Variants in FBH1 observed in about 807,000 individuals in gnomAD.
The protein encoded by FBH1 is DNA 3'-5' helicase 1.
In FBH1, 43 loss-of-function variants were observed where a neutral mutation model predicts 115.5. The ratio of observed to expected loss-of-function variants is 0.37; its 90% CI spans 0.29 to 0.48. FBH1 has a LOEUF of 0.48. Ranked by LOEUF, FBH1 falls within the 20% of genes least tolerant of loss-of-function variation. The probability of loss-of-function intolerance (pLI) is 0.99; values close to 1 mark genes in which losing one functional copy is unlikely to be tolerated. For synonymous variants in FBH1, 524 were observed against 507.8 expected, an observed-to-expected ratio of 1.03 and a Z score of -0.43; for missense variants, 1,001 against 1,337.3, an observed-to-expected ratio of 0.75 and a Z score of 3.92.
In FBH1 at chr10:5,906,049, A is replaced by C. The variant is rs1174118362; in HGVS notation, c.170A>C (p.Gln57Pro). The C allele has an allele frequency of 6.2e-7, 1 of 1,607,682 alleles. No homozygotes were observed. Among genetic ancestry groups the C allele is most frequent in the African/African-American group, 1.3e-5 (1 of 74,802 alleles). ...GTTCTCTCTACAGGTCAGGGAAGTCAAAGATGCATCCCTGAGTTCTTCCTA... is the reference window on the plus strand; with the variant it reads ...GTTCTCTCTACAGGTCAGGGAAGTCCAAGATGCATCCCTGAGTTCTTCCTA... ...TKRGSRGQGS[Q>P]RCIPEFFLAG... Residue 57 changes from glutamine to proline, a missense_variant, in exon 3 of 21, where the codon CAA (glutamine) becomes CCA (proline). By Grantham distance (76) the Gln-to-Pro change is moderately conservative. This residue lies in a region of FBH1 where 420 missense variants were observed against 430.4 expected (regional missense o/e 0.98). Coordinates refer to ENST00000362091, the MANE Select transcript of FBH1 (RefSeq NM_178150.3). The surrounding 1 kb of genome is among the most constrained non-coding windows in gnomAD (Gnocchi z 7.3).
rs1831892897 is a variant in FBH1, at chr10:5,915,828, G to GACTTGCTTA, written c.1565+259_1565+267dup. ...GAAGTGAGGCACAGAAAGTCAAAAT[G>GACTTGCTTA]ACTTGCTTAAAGTTCAGAGTCTCAC... On this transcript the variant is annotated intron_variant, in intron 9 of 20. Transcript: ENST00000362091. The surrounding 1 kb of genome is among the most constrained non-coding windows in gnomAD (Gnocchi z 5.2). The GACTTGCTTA allele has an allele frequency of 5.8e-6, 3 of 517,294 alleles. No individual in the cohort carries two copies. 32.0% of individuals were successfully genotyped at this position (517,294 alleles called of 1,614,324 possible). A position where few individuals can be genotyped will look rare whatever the true frequency, so the allele number is the denominator to read the frequency against.
chr10:5,926,873 G>C (rs1589110895), intron 18 of FBH1, among the ~76,000 whole-genome samples: 1 of 152,344 alleles, frequency 6.6e-6, no homozygotes, highest in East Asian at 1.9e-4. Flanking sequence ...AATCGAGATG[G>C]GAGATGAGAG....
Position 5,924,319 on chromosome 10 carries a change from G to A in FBH1, c.2407G>A (p.Val803Ile), listed in dbSNP as rs774547721. 11 of 1,614,020 alleles carry A rather than the reference G, an allele frequency of 6.8e-6. No homozygotes were observed. Among genetic ancestry groups the A allele is most frequent in the South Asian group, 5.5e-5 (5 of 91,086 alleles). ...PEEERRKQNL[V>I]IKDKFIRRWV... ...GTGTATATTCTTCTTAGAAAACCTC[G>A]TCATTAAAGACAAATTTATCAGAAG... The change falls in exon 17 of 21, where the codon GTC (valine) becomes ATC (isoleucine). Residue 803 changes from valine to isoleucine, a missense_variant. Val to Ile is a conservative substitution (Grantham distance 29, BLOSUM62 3). Coordinates refer to ENST00000362091, the MANE Select transcript of FBH1 (RefSeq NM_178150.3). This position sits in a 1 kb window ranked among gnomAD's most constrained non-coding sequence, Gnocchi z 6.2.
At position 5,906,521 on chromosome 10, in the gene FBH1, C is replaced by T; in HGVS notation, c.642C>T (p.Ser214=). The T allele has an allele frequency of 6.2e-7, 1 of 1,614,096 alleles. No homozygotes were observed. The part of the protein sequence containing the change: ...PCQEALSHIC[S]LPSEVLRHVF... ...AGGAAGCACTGAGCCACATTTGCAG[C>T]CTGCCTAGTGAGGTCCTGAGGCACG... is the stretch of plus-strand genomic sequence containing the variant. The change falls in exon 3 of 21, where the codon AGC becomes AGT. Residue 214 remains serine (S), a synonymous_variant. Coordinates refer to ENST00000362091, the MANE Select transcript of FBH1 (RefSeq NM_178150.3). This position sits in a 1 kb window ranked among gnomAD's most constrained non-coding sequence, Gnocchi z 7.3.
chr10:5,891,070 G>A, intron 1 of FBH1: 2 of 788,358 alleles, frequency 2.5e-6, no homozygotes, highest in South Asian at 1.2e-4. Flanking sequence ...TTACAGGTGG[G>A]GAAGTGGAGG....
At position 5,909,047 on chromosome 10, in the gene FBH1, C is replaced by T. The variant is rs756595891; in HGVS notation, c.876C>T (p.Asn292=). ...AGGAGTCAGACCTGTGTGTGCTGAA[C>T]CTCATACGGTGAGCTTTGCCTGTGC... The part of the protein sequence containing the change: ...IEKESDLCVL[N]LIRYTATTKC... Residue 292 remains asparagine, a synonymous_variant, in exon 4 of 21, where the codon AAC becomes AAT. Transcript: ENST00000362091. The surrounding 1 kb of genome is among the most constrained non-coding windows in gnomAD (Gnocchi z 4.4). The T allele has an allele frequency of 6.2e-7, 1 of 1,614,166 alleles. No homozygotes were observed. Among genetic ancestry groups the T allele is most frequent in the Non-Finnish European group, 8.5e-7 (1 of 1,180,046 alleles).
chr10:5,905,550 TA>T (rs904958228), intron 2 of FBH1, among the ~76,000 whole-genome samples: 1 of 152,098 alleles, frequency 6.6e-6, no homozygotes, highest in African/African-American at 2.4e-5. Flanking sequence ...AAAAAAGAAA[TA>T]AAAATAAAAG....
In FBH1 at chr10:5,910,959, G is replaced by T. The variant is rs1831550060; in HGVS notation, c.1042G>T (p.Val348Leu). 6.2e-7 allele frequency: 1 copy of T among 1,610,872 alleles called. No individual in the cohort carries two copies. Among genetic ancestry groups the T allele is most frequent in the South Asian group, 1.1e-5 (1 of 91,038 alleles). The change falls in exon 6 of 21, where the codon GTG becomes TTG. Residue 348 changes from valine to leucine, a missense_variant. Transcript: ENST00000362091. The surrounding 1 kb of genome is among the most constrained non-coding windows in gnomAD (Gnocchi z 4.8). ...AAGGVNIWAL[V>L]AAVVLLSSSV... is the part of the protein sequence containing the mutation. ...GCAGGGTGTCAACATCTGGGCCCTG[G>T]TGGCGGCTGTGGTGCTCCTCTCCAG...
intron 19 of FBH1, chr10:5,929,292 C>G (rs778836311): frequency 1.3e-5 from 2 of 152,178 alleles, no homozygotes; most frequent in Non-Finnish European, 2.9e-5. Flanking sequence ...TGACACATCA[C>G]AGGGCAAAGG....
chr10:5,890,680 T>C (rs1319346868), intron 1 of FBH1, among the ~76,000 whole-genome samples: 2 of 152,158 alleles, frequency 1.3e-5, no homozygotes, highest in Non-Finnish European at 2.9e-5. Flanking sequence ...CCTCGGCTGC[T>C]AGGAGGCCAG....
At chr10:5,903,220 TG>T (rs1843468951) in intron 2 of FBH1, 45 bp downstream of exon 2, 1 of 1,476,496 alleles carries the variant, frequency 6.8e-7, no homozygotes, top group Non-Finnish European at 9.1e-7. Flanking sequence ...CTGTAGTGTG[TG>T]GGTCCTTTGA....
chr10:5,925,627 A>C lies in FBH1; in HGVS notation c.2722+135A>C, dbSNP rs756393609. The C allele has an allele frequency of 1.6e-6, 2 of 1,275,874 alleles. No individual in the cohort carries two copies. Among genetic ancestry groups the C allele is most frequent in the Non-Finnish European group, 2.2e-6 (2 of 924,854 alleles). 79.0% of individuals were successfully genotyped at this position (1,275,874 alleles called of 1,614,324 possible). On this transcript the variant is annotated intron_variant, in intron 18 of 20. Transcript: ENST00000362091. The surrounding 1 kb of genome is among the most constrained non-coding windows in gnomAD (Gnocchi z 4.6). ...GGCACTTCTGGAAAAACTAAACCAC[A>C]AAACACCTCCTAGTCCTAAACTTTT...
Position 5,906,259 on chromosome 10 carries a change from C to T in FBH1, c.380C>T (p.Ser127Phe), listed in dbSNP as rs796644562. ...CCCTCCAGGAAGCGGTCTTGGTCCT[C>T]TGAGGAAGAGAGTAACCAGGCTACC... is the stretch of plus-strand genomic sequence containing the variant. ...APPSRKRSWSSEEESNQATGT... is the reference protein window; with the variant it reads ...APPSRKRSWSFEEESNQATGT... Residue 127 changes from serine (S) to phenylalanine (F), a missense_variant, in exon 3 of 21, where the codon TCT becomes TTT. Ser to Phe is a radical substitution (Grantham distance 155). This residue lies in a region of FBH1 where 420 missense variants were observed against 430.4 expected (regional missense o/e 0.98). Coordinates refer to ENST00000362091, the MANE Select transcript of FBH1 (RefSeq NM_178150.3). This position sits in a 1 kb window ranked among gnomAD's most constrained non-coding sequence, Gnocchi z 7.3. 6.2e-7 allele frequency: 1 copy of T among 1,614,058 alleles called. No individual in the cohort carries two copies. Among genetic ancestry groups the T allele is most frequent in the Admixed American group, 1.7e-5 (1 of 60,008 alleles).
At chr10:5,919,152 G>A (rs765248513) in intron 13 of FBH1, among the ~76,000 whole-genome samples, 1 of 151,990 alleles carries the variant, frequency 6.6e-6, no homozygotes, top group East Asian at 1.9e-4. Context: ...TTTTGTTCTC[G>A]GAAATATGTT....
chr10:5,890,720 T>C (rs1842660986), intron 1 of FBH1, among the ~76,000 whole-genome samples: 1 of 152,156 alleles, frequency 6.6e-6, no homozygotes, highest in Non-Finnish European at 1.5e-5. Flanking sequence ...CGTTTTGACC[T>C]TGGGCAAGTC....
In FBH1 at chr10:5,895,328, C is replaced by T. The variant is rs1191285604; in HGVS notation, c.1+4982C>T. ...TCTCCAGTCAGGTACCTTGTACTAG[C>T]GAGTCAACTTGATTTTTTTTTGAAA... On this transcript the variant is annotated intron_variant, in intron 1 of 20. Transcript: ENST00000362091. This position sits in a 1 kb window ranked among gnomAD's most constrained non-coding sequence, Gnocchi z 5.0. 8 of 735,956 alleles carry T rather than the reference C, an allele frequency of 1.1e-5. No individual in the cohort carries two copies. The highest frequency in any genetic ancestry group is 3.8e-5 in the South Asian group (1 of 26,600). The allele number at this position is 735,956 out of a possible 1,614,324, so 45.6% of individuals were successfully genotyped here.
rs776279036 is a variant in FBH1, at chr10:5,921,376, C to T, written c.2200+19C>T. ...CATCAGAGTAAGGCTTTTAGTTACT[C>T]TTCTCTTTTGTGTTACAAAAGTTTT... On this transcript the variant is annotated intron_variant, in intron 14 of 20. Transcript: ENST00000362091. The surrounding 1 kb of genome is among the most constrained non-coding windows in gnomAD (Gnocchi z 6.4). The T allele has an allele frequency of 1.2e-6, 2 of 1,612,650 alleles. No homozygotes were observed. Among genetic ancestry groups the T allele is most frequent in the East Asian group, 2.2e-5 (1 of 44,874 alleles).
Position 5,925,231 on chromosome 10 carries a change from T to TC in FBH1, c.2597-131dup. On this transcript the variant is annotated intron_variant, in intron 17 of 20. Coordinates refer to ENST00000362091, the MANE Select transcript of FBH1 (RefSeq NM_178150.3). The surrounding 1 kb of genome is among the most constrained non-coding windows in gnomAD (Gnocchi z 4.6). ...CTGTTCCCGACAGTTGTTTCCTCTT[T>TC]CCCCCTTTTCCTACAAAACTGCACT... is the stretch of plus-strand genomic sequence containing the variant. 1 of 1,023,276 alleles carries TC rather than the reference T, an allele frequency of 9.8e-7. No homozygotes were observed. The highest frequency in any genetic ancestry group is 1.4e-6 in the Non-Finnish European group (1 of 704,530). The allele number at this position is 1,023,276 out of a possible 1,614,324, so 63.4% of individuals were successfully genotyped here.
Position 5,895,484 on chromosome 10 carries a change from G to A in FBH1, c.1+5138G>A, listed in dbSNP as rs1309731800. On this transcript the variant is annotated intron_variant, in intron 1 of 20. Coordinates refer to ENST00000362091, the MANE Select transcript of FBH1 (RefSeq NM_178150.3). This position sits in a 1 kb window ranked among gnomAD's most constrained non-coding sequence, Gnocchi z 5.0. ...GTATGAATTCTGATTAGTAAAGGTA[G>A]AGGAAGAAAGGAAATTATTTGGTAT... Among the ~76,000 whole-genome samples, 1 of 151,910 alleles carries A rather than the reference G, an allele frequency of 6.6e-6. No homozygotes were observed. Among genetic ancestry groups the A allele is most frequent in the Non-Finnish European group, 1.5e-5 (1 of 67,964 alleles).
Sources: gnomAD v4.1 joint callset for allele counts (sites outside exome capture counted in the v4.1 genomes callset) on GRCh38, gnomAD v4.1.1 for gene constraint, gnomAD v4.1.1 regional missense constraint, Gnocchi (gnomAD v3.1) non-coding constraint, MANE v1.5 for transcripts, NCBI Gene and HGNC (gene_info 2026-07-23, HGNC 2026-07-21) for gene names.